Variants in IGF2BP2 observed in about 807,000 individuals in gnomAD.
IGF2BP2 encodes the protein insulin like growth factor 2 mRNA binding protein 2, also known as insulin-like growth factor 2 mRNA-binding protein 2.
IGF2BP2 carries 17 observed loss-of-function variants against 75.8 expected under a neutral mutation model. The ratio of observed to expected loss-of-function variants is 0.22; its 90% CI spans 0.15 to 0.34. The LOEUF (loss-of-function observed/expected upper bound fraction) is 0.34. Among genes scored for constraint, IGF2BP2 ranks in the 10% least tolerant of loss-of-function variants. The pLI is 1.00. For missense variants in IGF2BP2, 516 were observed against 772.4 expected (o/e 0.67, Z 3.93); for synonymous variants, 288 against 295.6 (o/e 0.97, Z 0.26).
intron 2 of IGF2BP2, among the ~76,000 whole-genome samples, chr3:185,750,468 GAC>G (rs1730819866): frequency 6.6e-6 from 1 of 152,110 alleles, no homozygotes; most frequent in Admixed American, 6.6e-5. Flanking sequence ...TCTAGAGTAA[GAC>G]ACACCTGAGT....
intron 10 of IGF2BP2, among the ~76,000 whole-genome samples, chr3:185,663,104 G>C (rs1360007740): frequency 6.6e-6 from 1 of 152,208 alleles, no homozygotes; most frequent in African/African-American, 2.4e-5. Context: ...ATTTTAATGG[G>C]AAAGCAGGTT....
At chr3:185,679,609 GT>G (rs943310861) in intron 7 of IGF2BP2, among the ~76,000 whole-genome samples, 119 of 151,746 alleles carry the variant, frequency 7.8e-4, no homozygotes, top group African/African-American at 2.7e-3. Context: ...TTATTTTAAC[GT>G]TTTTTCGTTT....
intron 13 of IGF2BP2, 141 bp from the exon 14 acceptor site, chr3:185,649,675 C>T: frequency 3.5e-6 from 4 of 1,151,908 alleles, no homozygotes; most frequent in Non-Finnish European, 4.9e-6. Flanking sequence ...AAGCTGCGTG[C>T]CCCAGCCTCC....
At chr3:185,740,327 C>T (rs1199952450) in intron 2 of IGF2BP2, among the ~76,000 whole-genome samples, 1 of 152,168 alleles carries the variant, frequency 6.6e-6, no homozygotes, top group East Asian at 1.9e-4. Flanking sequence ...TCAACAGCAC[C>T]TACTATGTGC....
intron 6 of IGF2BP2, chr3:185,689,119 T>A: frequency 1.9e-6 from 1 of 536,360 alleles, no homozygotes; most frequent in South Asian, 2.5e-5. Flanking sequence ...GGAACAGTCC[T>A]GGCTGTGAGG....
At chr3:185,824,167 C>T (rs1741728187) in intron 1 of IGF2BP2, among the ~76,000 whole-genome samples, 1 of 148,112 alleles carries the variant, frequency 6.8e-6, no homozygotes, top group Non-Finnish European at 1.5e-5. Context: ...CGTGCGAGGG[C>T]TGGGGCTGGG....
chr3:185,645,811 C>G lies in IGF2BP2; in HGVS notation c.1708-188G>C, dbSNP rs1228509419. Among the ~76,000 whole-genome samples, 6 of 152,050 alleles carry G rather than the reference C, an allele frequency of 3.9e-5. No individual in the cohort carries two copies. The highest frequency in any genetic ancestry group is 8.8e-5 in the Non-Finnish European group (6 of 68,004). ...CTGGAAGTAAGTGGCAGAGGTCCCCCCTCCACTCCCACCCCAAGGTCCAGG... is the reference window on the plus strand; with the variant it reads ...CTGGAAGTAAGTGGCAGAGGTCCCCGCTCCACTCCCACCCCAAGGTCCAGG... On this transcript the variant is annotated intron_variant, in intron 15 of 15. Transcript: ENST00000382199. The surrounding 1 kb of genome is among the most constrained non-coding windows in gnomAD (Gnocchi z 4.9).
chr3:185,820,877 C>A, intron 2 of IGF2BP2: 1 of 733,530 alleles, frequency 1.4e-6, no homozygotes, highest in Non-Finnish European at 2.1e-6. Context: ...TCAACTAACA[C>A]AAAAACCACA....
At position 185,775,940 on chromosome 3, in the gene IGF2BP2, T is replaced by C. The variant is rs146981639; in HGVS notation, c.239+47213A>G. The stretch of plus-strand genomic sequence containing the variant: ...AATGTTTATTGCAGCATGTTTGGAA[T>C]TGGAAACAGCCTAGCAATAGGCAAA... On this transcript the variant is annotated intron_variant, in intron 2 of 15. Transcript: ENST00000382199. Among the ~76,000 whole-genome samples the C allele has an allele frequency of 1.1e-4, 17 of 152,318 alleles. No homozygotes were observed. In the East Asian group the frequency reaches 3.1e-3, roughly 28 times the overall value.
At chr3:185,649,718 C>T (rs575892850) in intron 13 of IGF2BP2, among the ~76,000 whole-genome samples, 184 bp from the exon 14 acceptor site, 9 of 152,328 alleles carry the variant, frequency 5.9e-5, no homozygotes, top group Admixed American at 1.3e-4. Flanking sequence ...GCTCCCGCCA[C>T]GTCAGATGGC....
At chr3:185,681,416 G>A (rs540660349) in intron 7 of IGF2BP2, among the ~76,000 whole-genome samples, 6 of 152,218 alleles carry the variant, frequency 3.9e-5, no homozygotes, top group Admixed American at 1.3e-4. Context: ...ACCACAAAAG[G>A]TTCCTGAAAG....
At chr3:185,677,023 A>AGATATATATATG (rs1404040020) in intron 7 of IGF2BP2, among the ~76,000 whole-genome samples, 1 of 112,544 alleles carries the variant, frequency 8.9e-6, no homozygotes, top group African/African-American at 3.6e-5. Flanking sequence ...ATATATGGAG[A>AGATATATATATG]GAGATATATA....
intron 6 of IGF2BP2, 124 bp from the exon 7 acceptor site, chr3:185,687,315 C>A: frequency 1.0e-6 from 1 of 968,598 alleles, no homozygotes; most frequent in South Asian, 2.0e-5. Context: ...GTCATCAGCA[C>A]GTTTGCAATC....
chr3:185,679,677 C>G (rs1720086459), intron 7 of IGF2BP2, among the ~76,000 whole-genome samples: 1 of 152,112 alleles, frequency 6.6e-6, no homozygotes, highest in South Asian at 2.1e-4. Context: ...AGTGCAATGG[C>G]ATGATCTCAG....
chr3:185,800,986 T>C (rs150297113), intron 2 of IGF2BP2, among the ~76,000 whole-genome samples: 1 of 151,274 alleles, frequency 6.6e-6, no homozygotes, highest in East Asian at 2.0e-4. Flanking sequence ...ATATCCAGAA[T>C]CTACAAGGAA....
chr3:185,714,425 A>G (rs1009101949), intron 2 of IGF2BP2, among the ~76,000 whole-genome samples: 2 of 152,202 alleles, frequency 1.3e-5, no homozygotes, highest in Non-Finnish European at 2.9e-5. Context: ...ACGTGTGAGC[A>G]TATCTTGGAA....
At chr3:185,667,363 T>C (rs967635810) in intron 10 of IGF2BP2, among the ~76,000 whole-genome samples, 1 of 152,060 alleles carries the variant, frequency 6.6e-6, no homozygotes, top group Non-Finnish European at 1.5e-5. Context: ...GTAGTCCCAG[T>C]TATTGAGGAG....
At chr3:185,739,083 G>A (rs1729202921) in intron 2 of IGF2BP2, among the ~76,000 whole-genome samples, 1 of 152,166 alleles carries the variant, frequency 6.6e-6, no homozygotes, top group South Asian at 2.1e-4. Context: ...CCTTTTATAT[G>A]TGTTTTCACA....
intron 1 of IGF2BP2, among the ~76,000 whole-genome samples, chr3:185,823,841 G>GA (rs1741679280): frequency 6.6e-6 from 1 of 151,866 alleles, no homozygotes; most frequent in Admixed American, 6.6e-5. Flanking sequence ...GTGTGCTGGG[G>GA]AGAGTTGGGG....
Sources: gnomAD v4.1 joint callset for allele counts (sites outside exome capture counted in the v4.1 genomes callset) on GRCh38, gnomAD v4.1.1 for gene constraint, Gnocchi (gnomAD v3.1) non-coding constraint, MANE v1.5 for transcripts, NCBI Gene and HGNC (gene_info 2026-07-23, HGNC 2026-07-21) for gene names.